Variants in CEACAM1 observed in about 807,000 individuals in gnomAD.
The protein encoded by CEACAM1 is CEA cell adhesion molecule 1.
CEACAM1 carries 31 observed loss-of-function variants against 49.1 expected under a neutral mutation model. The ratio of observed to expected loss-of-function variants is 0.63; its 90% CI spans 0.47 to 0.85. CEACAM1 has a LOEUF of 0.85. CEACAM1 is among the 40% of genes least tolerant of loss of function. CEACAM1 has a pLI of 0.00. For synonymous variants in CEACAM1, 244 were observed against 247.8 expected (o/e 0.98, Z 0.14); for missense variants, 570 against 645.3 (o/e 0.88, Z 1.26).
intron 2 of CEACAM1, among the ~76,000 whole-genome samples, chr19:42,525,223 C>G (rs1033123944): frequency 7.3e-6 from 1 of 136,254 alleles, no homozygotes; most frequent in East Asian, 2.1e-4. Flanking sequence ...TAGGCCTGAA[C>G]ATTTTTTTTT....
chr19:42,523,397 G>C (rs2041809029), intron 2 of CEACAM1, among the ~76,000 whole-genome samples: 1 of 152,182 alleles, frequency 6.6e-6, no homozygotes, highest in East Asian at 1.9e-4. Flanking sequence ...GTTTGATGAT[G>C]ACTGACTTGA....
chr19:42,519,250 A>C lies in CEACAM1; in HGVS notation c.959-15T>G, dbSNP rs201033559. ...TGGACTTAGCTCTGTGGACAAGCAG[A>C]GTATCTGAGATAACCTACTGAGAAT... On this transcript the variant is annotated splice_polypyrimidine_tract_variant and intron_variant, in intron 4 of 8. Coordinates refer to ENST00000161559, the MANE Select transcript of CEACAM1 (RefSeq NM_001712.5). 1 of 1,613,344 alleles carries C rather than the reference A, an allele frequency of 6.2e-7. No homozygotes were observed. The highest frequency in any genetic ancestry group is 1.7e-5 in the Admixed American group (1 of 59,990).
At chr19:42,519,364 C>T (rs1261460302) in intron 4 of CEACAM1, 129 bp from the exon 5 acceptor site, 2 of 851,346 alleles carry the variant, frequency 2.3e-6, no homozygotes, top group Admixed American at 2.3e-5. Context: ...GCAAAGGTCA[C>T]CAACCAGGGG....
rs758736431 is a variant in CEACAM1 at position 42,527,050 on chromosome 19, G to C, written c.415C>G (p.His139Asp). ...LVNEEATGQF[H>D]VYPELPKPSI... ...ATGGGGAAATACTCACGGTATACAT[G>C]GAACTGTCCAGTTGCTTCTTCATTC... Residue 139 changes from histidine (H) to aspartate (D), a missense_variant, in exon 2 of 9, where the codon CAT (histidine) becomes GAT (aspartate). By Grantham distance (81) the His-to-Asp change is moderately conservative. Transcript: ENST00000161559. 1.2e-6 allele frequency: 2 copies of C among 1,601,824 alleles called. No individual in the cohort carries two copies.
chr19:42,512,884 T>G (rs1386584457), intron 5 of CEACAM1, among the ~76,000 whole-genome samples: 1 of 152,044 alleles, frequency 6.6e-6, no homozygotes, highest in Non-Finnish European at 1.5e-5. Flanking sequence ...GTCAGACTGG[T>G]CTTGAACTCC....
rs770479885 is a variant in CEACAM1 at position 42,522,094 on chromosome 19, C to T, written c.533G>A (p.Trp178Ter). ...CGGGAGGCTCTGATTGTTTATCCAC[C>T]ACAGGTAGGTTGTGTCCTGAGTCTC... ...EPETQDTTYL[W>*]WINNQSLPVS... The change falls in exon 3 of 9, where the codon TGG becomes TAG. Residue 178 changes from tryptophan (W) to a stop codon, truncating the protein, a stop_gained. Transcript: ENST00000161559. LOFTEE classifies it high-confidence loss of function. 7 of 1,614,044 alleles carry T rather than the reference C, an allele frequency of 4.3e-6. No homozygotes were observed. The highest frequency in any genetic ancestry group is 5.1e-6 in the Non-Finnish European group (6 of 1,180,036).
Position 42,508,256 on chromosome 19 carries a change from T to C in CEACAM1, c.*853A>G, listed in dbSNP as rs2147760832. 6.6e-6 allele frequency: 1 copy of C among 152,376 alleles called. No individual in the cohort carries two copies. The highest frequency in any genetic ancestry group is 2.4e-5 in the African/African-American group (1 of 41,600). The allele number at this position is 152,376 out of a possible 1,614,324, so 9.4% of individuals were successfully genotyped here. ...CTTTAACAATAATTTAAATAATCGCTGAAGGGCAGCTCTCTGATTCCTTTC... is the reference window on the plus strand; with the variant it reads ...CTTTAACAATAATTTAAATAATCGCCGAAGGGCAGCTCTCTGATTCCTTTC... On this transcript the variant is annotated 3_prime_UTR_variant, in exon 9 of 9. Coordinates refer to ENST00000161559, the MANE Select transcript of CEACAM1 (RefSeq NM_001712.5).
chr19:42,511,340 C>G lies in CEACAM1; in HGVS notation c.1429+236G>C, dbSNP rs1394571569. The G allele has an allele frequency of 5.1e-6, 3 of 591,026 alleles. No homozygotes were observed. In the East Asian group the frequency reaches 8.4e-5, roughly 17 times the overall value. 36.6% of individuals were successfully genotyped at this position (591,026 alleles called of 1,614,324 possible). On this transcript the variant is annotated intron_variant, in intron 7 of 8. Transcript: ENST00000161559. The stretch of plus-strand genomic sequence containing the variant: ...GAAATGGCTCCTGGAAACATGGGAT[C>G]TTCCTCAGGCCTGCCTGGCCTAGGC...
chr19:42,522,599 T>C (rs1331251150), intron 2 of CEACAM1, among the ~76,000 whole-genome samples: 2 of 151,612 alleles, frequency 1.3e-5, no homozygotes, highest in Admixed American at 1.3e-4. Flanking sequence ...TCTCGCTTTG[T>C]TGCTGAGGCT....
At chr19:42,527,504 AGTGTGTGTGTGTGTGTGTGTGTGTGT>A in intron 1 of CEACAM1, 104 bp from the exon 2 acceptor site, 1 of 714,204 alleles carries the variant, frequency 1.4e-6, no homozygotes, top group Non-Finnish European at 2.1e-6. Flanking sequence ...TCCACCTTGG[AGTGTGTGTGTGTGTGTGTGTGTGTGT>A]GTGTGTGTGT....
intron 5 of CEACAM1, among the ~76,000 whole-genome samples, chr19:42,513,913 T>TAA: frequency 2.9e-5 from 4 of 135,766 alleles, no homozygotes; most frequent in African/African-American, 1.2e-4. Flanking sequence ...TATATATATA[T>TAA]ATATAATATA....
At chr19:42,516,460 G>A (rs879641512) in intron 5 of CEACAM1, among the ~76,000 whole-genome samples, 24 of 152,016 alleles carry the variant, frequency 1.6e-4, no homozygotes, top group African/African-American at 5.6e-4. Flanking sequence ...TGAAAGATTT[G>A]TACCCTGAAA....
At chr19:42,520,146 T>C (rs2041707164) in intron 4 of CEACAM1, among the ~76,000 whole-genome samples, 1 of 152,198 alleles carries the variant, frequency 6.6e-6, no homozygotes, top group African/African-American at 2.4e-5. Flanking sequence ...TCTTACCTTC[T>C]CTACAAATAC....
intron 5 of CEACAM1, chr19:42,518,735 C>G: frequency 1.7e-6 from 1 of 579,752 alleles, no homozygotes; most frequent in Non-Finnish European, 3.1e-6. Context: ...CTCCTGCCCT[C>G]GTGATCCGCC....
At chr19:42,526,113 G>C (rs1337189417) in intron 2 of CEACAM1, among the ~76,000 whole-genome samples, 1 of 151,976 alleles carries the variant, frequency 6.6e-6, no homozygotes, top group Non-Finnish European at 1.5e-5. Flanking sequence ...GCACCACCAT[G>C]CCCGGCTAAT....
chr19:42,513,622 C>G (rs2041516615), intron 5 of CEACAM1, among the ~76,000 whole-genome samples: 1 of 151,162 alleles, frequency 6.6e-6, no homozygotes, highest in Non-Finnish European at 1.5e-5. Context: ...AAAAACTGCA[C>G]TTCAATCTAA....
intron 5 of CEACAM1, chr19:42,516,881 A>G (rs751482368): frequency 3.1e-5 from 13 of 423,780 alleles, no homozygotes; most frequent in Non-Finnish European, 5.5e-5. Flanking sequence ...AAGAAAAGCA[A>G]AAAAACAAAA....
chr19:42,524,395 G>T (rs1304103723), intron 2 of CEACAM1, among the ~76,000 whole-genome samples: 1 of 152,212 alleles, frequency 6.6e-6, no homozygotes, highest in Non-Finnish European at 1.5e-5. Context: ...GGGCTTTGGG[G>T]ACTGCAGACC....
At chr19:42,519,844 C>T (rs939737986) in intron 4 of CEACAM1, among the ~76,000 whole-genome samples, 1 of 152,224 alleles carries the variant, frequency 6.6e-6, no homozygotes, top group Non-Finnish European at 1.5e-5. Context: ...GCTGGGATTA[C>T]AGGCGTGAGC....
Sources: gnomAD v4.1 joint callset for allele counts (sites outside exome capture counted in the v4.1 genomes callset) on GRCh38, gnomAD v4.1.1 for gene constraint, MANE v1.5 for transcripts, NCBI Gene and HGNC (gene_info 2026-07-23, HGNC 2026-07-21) for gene names.